The following CUBN variants were observed in gnomAD, a reference collection of about 807,000 sequenced individuals.
The protein encoded by CUBN is cubilin, also known as 460 kDa receptor.
Under a neutral mutation model 405.3 loss-of-function variants are expected in CUBN, and 282 were observed. The observed-to-expected ratio is 0.70, with a 90% CI of 0.63 to 0.77. The LOEUF (loss-of-function observed/expected upper bound fraction) is 0.77. Among genes scored for constraint, CUBN ranks in the 30% least tolerant of loss-of-function variants. The pLI, the probability that CUBN is intolerant of heterozygous loss-of-function variation, is 0.00. For synonymous variants in CUBN, 1,684 were observed against 1,617.0 expected (o/e 1.04, Z -0.99); for missense variants, 4,514 against 4,475.2 (o/e 1.01, Z -0.25).
In CUBN at chr10:17,114,178, G is replaced by C; in HGVS notation, c.732C>G (p.Ser244Arg). 3 of 1,613,790 alleles carry C rather than the reference G, an allele frequency of 1.9e-6. No individual in the cohort carries two copies. The highest frequency in any genetic ancestry group is 2.5e-6 in the Non-Finnish European group (3 of 1,179,904). ...ACATCCACCCAGCATCACAGACGCA[G>C]CTGTACTTGGGCTGGCAGGATGACA... ...MREQAGEPKYSCVCDAGWMFS... is the reference protein window; with the variant it reads ...MREQAGEPKYRCVCDAGWMFS... The change falls in exon 8 of 67, where the codon AGC becomes AGG. Residue 244 changes from serine to arginine, a missense_variant. Around this residue, in one of 5 missense-constraint regions of CUBN, gnomAD observed 1,448 missense variants for 1,388.0 expected, o/e 1.04. Coordinates refer to ENST00000377833, the MANE Select transcript of CUBN (RefSeq NM_001081.4).
intron 27 of CUBN, among the ~76,000 whole-genome samples, chr10:17,021,116 G>A (rs1834488517): frequency 6.6e-6 from 1 of 150,804 alleles, no homozygotes; most frequent in South Asian, 2.1e-4. Flanking sequence ...TGACATTGAA[G>A]GATTTTTTTT....
chr10:16,981,667 G>C (rs1173402457), intron 31 of CUBN, among the ~76,000 whole-genome samples: 1 of 152,246 alleles, frequency 6.6e-6, no homozygotes, highest in East Asian at 1.9e-4. Context: ...TCCCACCAGA[G>C]ATGAGGGACC....
Position 16,990,527 on chromosome 10 carries a change from GA to G in CUBN, c.4169-13del, listed in dbSNP as rs768264194. ...CTCTCCACCACAACCTGTTAAAACA[GA>G]AAGGTTCAGTCAGTTCAAAGTGGGC... On this transcript the variant is annotated splice_polypyrimidine_tract_variant and intron_variant, in intron 28 of 66. Coordinates refer to ENST00000377833, the MANE Select transcript of CUBN (RefSeq NM_001081.4). The G allele has an allele frequency of 5.8e-5, 94 of 1,613,780 alleles. No homozygotes were observed. In the East Asian group the frequency reaches 1.5e-3, roughly 25 times the overall value.
At chr10:16,931,767 A>G (rs769758489) in intron 40 of CUBN, among the ~76,000 whole-genome samples, 2 of 152,236 alleles carry the variant, frequency 1.3e-5, no homozygotes, top group Non-Finnish European at 2.9e-5. Flanking sequence ...CACACAGGAA[A>G]AAAGGACTGC....
intron 29 of CUBN, 47 bp downstream of exon 29, chr10:16,990,287 C>T (rs2131715398): frequency 6.3e-7 from 1 of 1,579,156 alleles, no homozygotes; most frequent in South Asian, 1.1e-5. Flanking sequence ...ATTTCCTGTT[C>T]TACCCCAAAC....
At chr10:16,930,243 C>A (rs1370888747) in intron 40 of CUBN, among the ~76,000 whole-genome samples, 1 of 152,350 alleles carries the variant, frequency 6.6e-6, no homozygotes, top group African/African-American at 2.4e-5. Flanking sequence ...TTATTCAAGA[C>A]TGACATTTAT....
intron 22 of CUBN, among the ~76,000 whole-genome samples, chr10:17,049,481 GGAACCTGAATTAAT>G (rs1453131161): frequency 5.3e-5 from 8 of 152,190 alleles, no homozygotes; most frequent in Non-Finnish European, 1.2e-4. Flanking sequence ...CTCAGGTGGA[GGAACCTGAATTAAT>G]GACATTTTGG....
At chr10:17,103,039 T>C in intron 13 of CUBN, 86 bp downstream of exon 13, 1 of 814,990 alleles carries the variant, frequency 1.2e-6, no homozygotes, top group Non-Finnish European at 2.1e-6. Flanking sequence ...TATCATTGCA[T>C]GTATTTTATG....
At position 16,824,995 on chromosome 10, in the gene CUBN, G is replaced by A. The variant is rs750303687; in HGVS notation, c.10852C>T (p.Arg3618Ter). The change falls in exon 67 of 67, where the codon CGA becomes TGA. Residue 3618 changes from arginine to a stop codon, truncating the protein, a stop_gained. Transcript: ENST00000377833. LOFTEE classifies it high-confidence loss of function. Reference sequence around the variant, plus strand: ...CCCACTTAGCTGTCCCAAGTTAATCGGAATGCGGATGGACGCCGTGCATAA... The same window carrying A: ...CCCACTTAGCTGTCCCAAGTTAATCAGAATGCGGATGGACGCCGTGCATAA... ...ADYARRPSAF[R>*]LTWDS 34 of 1,613,610 alleles carry A rather than the reference G, an allele frequency of 2.1e-5. No homozygotes were observed. The Middle Eastern group carries it at 5.0e-4, about 23-fold the overall frequency.
intron 31 of CUBN, among the ~76,000 whole-genome samples, chr10:16,977,423 T>A (rs556445863): frequency 8.5e-5 from 13 of 152,078 alleles, no homozygotes; most frequent in Non-Finnish European, 1.8e-4. Flanking sequence ...AGAAGGAGCA[T>A]CTGAACATTG....
intron 31 of CUBN, among the ~76,000 whole-genome samples, chr10:16,964,897 A>T (rs767003565): frequency 2.6e-5 from 4 of 152,166 alleles, no homozygotes; most frequent in Non-Finnish European, 5.9e-5. Context: ...TGTATAGACA[A>T]CTGTATCGTA....
chr10:16,963,192 T>C (rs865805359), intron 31 of CUBN, among the ~76,000 whole-genome samples: 17 of 64,418 alleles, frequency 2.6e-4, no homozygotes, highest in East Asian at 1.7e-3. Context: ...CTTTTCTTTT[T>C]TTTCTTTTTT....
At position 17,109,706 on chromosome 10, in the gene CUBN, G is replaced by C. The variant is rs748467964; in HGVS notation, c.1045C>G (p.Leu349Val). Residue 349 changes from leucine to valine, a missense_variant, in exon 10 of 67, where the codon CTC becomes GTC. Physicochemically the swap from Leu to Val is conservative, Grantham distance 32. This residue lies in a region of CUBN where 1,448 missense variants were observed against 1,388.0 expected (regional missense o/e 1.04). Coordinates refer to ENST00000377833, the MANE Select transcript of CUBN (RefSeq NM_001081.4). The part of the protein sequence containing the change: ...GYQGDGRVCT[L>V]TDICSVSNGG... Reference sequence around the variant, plus strand: ...TTACTGACTGAGCAGATGTCTGTGAGTGTGCACACTCTTCCGTCACCCTGG... The same window carrying C: ...TTACTGACTGAGCAGATGTCTGTGACTGTGCACACTCTTCCGTCACCCTGG... 6.2e-7 allele frequency: 1 copy of C among 1,613,870 alleles called. No individual in the cohort carries two copies. The highest frequency in any genetic ancestry group is 8.5e-7 in the Non-Finnish European group (1 of 1,179,952).
chr10:16,886,410 G>A (rs78874257), intron 56 of CUBN, among the ~76,000 whole-genome samples: 1 of 152,110 alleles, frequency 6.6e-6, no homozygotes, highest in Non-Finnish European at 1.5e-5. Flanking sequence ...AAGAAATTTC[G>A]AATATACCGA....
intron 14 of CUBN, among the ~76,000 whole-genome samples, chr10:17,096,268 C>A (rs4748349): frequency 7.1e-4 from 108 of 152,000 alleles, no homozygotes; most frequent in African/African-American, 2.6e-3. Context: ...AAACTGCTGA[C>A]AGTAGATCTT....
At chr10:17,119,192 T>A (rs113438076) in intron 6 of CUBN, among the ~76,000 whole-genome samples, 1 of 152,230 alleles carries the variant, frequency 6.6e-6, no homozygotes, top group African/African-American at 2.4e-5. Flanking sequence ...AATCTACCAG[T>A]GATATGAATG....
chr10:16,835,992 C>G (rs910839288), intron 63 of CUBN, among the ~76,000 whole-genome samples: 4 of 152,042 alleles, frequency 2.6e-5, no homozygotes, highest in Admixed American at 6.6e-5. Flanking sequence ...ACTACATATA[C>G]TTTGAAGAAA....
chr10:16,944,896 G>A (rs888063865), intron 36 of CUBN, among the ~76,000 whole-genome samples: 5 of 152,210 alleles, frequency 3.3e-5, no homozygotes, highest in South Asian at 4.1e-4. Context: ...GGTAAAGATT[G>A]AGAGAATTAA....
In CUBN at chr10:17,111,443, G is replaced by T. The variant is rs187965951; in HGVS notation, c.884-393C>A. Among the ~76,000 whole-genome samples the T allele has an allele frequency of 6.6e-5, 10 of 152,176 alleles. No homozygotes were observed. The East Asian group carries it at 1.7e-3, about 26-fold the overall frequency. On this transcript the variant is annotated intron_variant, in intron 8 of 66. Transcript: ENST00000377833. ...AGTATACTGGTATAAGTAGGTAAGA[G>T]GATGTCTACCGCAGCACTGTTTAAT...
Sources: allele counts gnomAD v4.1 joint callset (sites outside exome capture counted in the v4.1 genomes callset), GRCh38; gene constraint gnomAD v4.1.1; regional missense constraint gnomAD v4.1.1; transcripts MANE v1.5; gene names NCBI Gene and HGNC (gene_info 2026-07-23, HGNC 2026-07-21).